Variants in KIAA1755 observed in about 807,000 individuals in gnomAD.
KIAA1755 encodes uncharacterized protein KIAA1755.
Under a neutral mutation model 91.7 loss-of-function variants are expected in KIAA1755, and 68 were observed. That is an observed-to-expected ratio of 0.74 (90% CI 0.61 to 0.91). The LOEUF (loss-of-function observed/expected upper bound fraction) is 0.91, where lower values mean the gene tolerates loss of function less well. KIAA1755 is among the 40% of genes least tolerant of loss of function. The probability of loss-of-function intolerance (pLI) is 0.00; values close to 1 mark genes in which losing one functional copy is unlikely to be tolerated. For missense variants in KIAA1755, 1,535 were observed against 1,494.4 expected (o/e 1.03, Z -0.45); for synonymous variants, 610 against 604.6 (o/e 1.01, Z -0.13).
In KIAA1755 at chr20:38,213,336, C is replaced by T. The variant is rs1053390503; in HGVS notation, c.3309G>A (p.Leu1103=). The change falls in exon 14 of 14, where the codon TTG becomes TTA. Residue 1103 remains leucine (L), a synonymous_variant. Transcript: ENST00000279024. ...PPLDSLGMDH[L]PKSYWPPGPP... ...GCCCAGGAGGCCAATAGGACTTTGG[C>T]AAATGGTCCATGCCCAGTGAGTCTA... 6.2e-7 allele frequency: 1 copy of T among 1,612,020 alleles called. No individual in the cohort carries two copies. The highest frequency in any genetic ancestry group is 8.5e-7 in the Non-Finnish European group (1 of 1,178,960).
At chr20:38,216,905 C>T (rs1438171070) in intron 13 of KIAA1755, 5 of 532,348 alleles carry the variant, frequency 9.4e-6, no homozygotes, top group Admixed American at 9.0e-5. Flanking sequence ...CATTTCTCTT[C>T]TCTTTGGGGA....
chr20:38,257,674 C>T (rs765871673), intron 1 of KIAA1755, among the ~76,000 whole-genome samples: 1 of 151,278 alleles, frequency 6.6e-6, no homozygotes, highest in Non-Finnish European at 1.5e-5. Flanking sequence ...GATGTGAAAT[C>T]ACAGCGAGAA....
intron 2 of KIAA1755, among the ~76,000 whole-genome samples, chr20:38,244,427 G>A (rs2076119456): frequency 1.3e-5 from 2 of 152,232 alleles, no homozygotes; most frequent in East Asian, 1.9e-4. Context: ...TAGCTGCCAC[G>A]TTCAATTTAT....
chr20:38,230,139 T>C (rs1038782317), intron 5 of KIAA1755, among the ~76,000 whole-genome samples: 2 of 152,116 alleles, frequency 1.3e-5, no homozygotes, highest in African/African-American at 4.8e-5. Flanking sequence ...AGAGGGCGCC[T>C]CTTCCCCAGC....
chr20:38,240,700 T>A lies in KIAA1755; in HGVS notation c.1431A>T (p.Arg477Ser), dbSNP rs1244928786. 6.4e-7 allele frequency: 1 copy of A among 1,565,318 alleles called. No homozygotes were observed. ...PTPGLKFSFL[R>S]GQRQPSVTPE... ...GGGTCACAGAGGGTTGCCTCTGCCC[T>A]CTCAAGAATGAGAATTTGAGCCCAG... Residue 477 changes from arginine (R) to serine (S), a missense_variant, in exon 3 of 14, where the codon AGA becomes AGT. Transcript: ENST00000279024.
At chr20:38,229,250 A>G (rs1438821720) in intron 5 of KIAA1755, among the ~76,000 whole-genome samples, 2 of 152,230 alleles carry the variant, frequency 1.3e-5, no homozygotes, top group Non-Finnish European at 2.9e-5. Flanking sequence ...TCCCTGAGTC[A>G]ATTTAATAAT....
Position 38,223,627 on chromosome 20 carries a change from G to C in KIAA1755, c.2179C>G (p.Pro727Ala), listed in dbSNP as rs201642163. The change falls in exon 9 of 14, where the codon CCT becomes GCT. Residue 727 changes from proline to alanine, a missense_variant. By Grantham distance (27) the Pro-to-Ala change is conservative (BLOSUM62 -1). Transcript: ENST00000279024. ...EWVHFFQKLD[P>A]FLADLHQASS... Reference sequence around the variant, plus strand: ...GCCTGGTGGAGGTCAGCAAGGAAAGGGTCCAGCTTCTGCAGGACAGAGGAC... The same window carrying C: ...GCCTGGTGGAGGTCAGCAAGGAAAGCGTCCAGCTTCTGCAGGACAGAGGAC... The C allele has an allele frequency of 3.1e-5, 49 of 1,605,284 alleles. No homozygotes were observed. The highest frequency in any genetic ancestry group is 1.7e-6 in the Non-Finnish European group (2 of 1,176,558).
chr20:38,217,220 G>C (rs368530369), intron 13 of KIAA1755, 33 bp downstream of exon 13: 13 of 1,548,194 alleles, frequency 8.4e-6, no homozygotes, highest in African/African-American at 1.3e-5. Flanking sequence ...AGGGGATCGG[G>C]GGGTATCTGT....
intron 6 of KIAA1755, 117 bp downstream of exon 6, chr20:38,228,030 A>G (rs1230250897): frequency 3.2e-6 from 2 of 617,668 alleles, no homozygotes; most frequent in Admixed American, 3.8e-5. Context: ...CTGCAGTAAA[A>G]GTCCCTGCCT....
intron 1 of KIAA1755, among the ~76,000 whole-genome samples, chr20:38,253,835 T>C: frequency 6.6e-6 from 1 of 152,226 alleles, no homozygotes; most frequent in African/African-American, 2.4e-5. Context: ...TTGTAAATGG[T>C]CTCACCAGAT....
Position 38,241,782 on chromosome 20 carries a change from C to A in KIAA1755, c.349G>T (p.Val117Phe). ...GAGAGGCATTTGATCATGATGCAGA[C>A]AGACTGCTCCTCCTGGGGCTCCACT... ...LQVEPQEEQS[V>F]CIMIKCLSLD... Residue 117 changes from valine to phenylalanine, a missense_variant, in exon 3 of 14, where the codon GTC (valine) becomes TTC (phenylalanine). By Grantham distance (50) the Val-to-Phe change is conservative. Transcript: ENST00000279024. 6.2e-7 allele frequency: 1 copy of A among 1,614,160 alleles called. No individual in the cohort carries two copies. Among genetic ancestry groups the A allele is most frequent in the Non-Finnish European group, 8.5e-7 (1 of 1,180,022 alleles).
intron 4 of KIAA1755, among the ~76,000 whole-genome samples, chr20:38,235,786 A>G (rs2075950193): frequency 1.3e-5 from 2 of 152,248 alleles, no homozygotes; most frequent in Non-Finnish European, 2.9e-5. Context: ...TATGGCCACA[A>G]TGGGAAACAC....
chr20:38,220,748 G>A (rs1458555759), intron 10 of KIAA1755, among the ~76,000 whole-genome samples: 2 of 152,212 alleles, frequency 1.3e-5, no homozygotes, highest in African/African-American at 4.8e-5. Flanking sequence ...TATTTCTATT[G>A]CAATGGTGGG....
intron 10 of KIAA1755, among the ~76,000 whole-genome samples, chr20:38,222,067 G>T (rs536108578): frequency 6.6e-6 from 1 of 152,350 alleles, no homozygotes; most frequent in South Asian, 2.1e-4. Context: ...TCAGCCAAAT[G>T]GACAATGTGG....
intron 13 of KIAA1755, among the ~76,000 whole-genome samples, chr20:38,215,022 GTTA>G (rs1177174630): frequency 2.0e-5 from 3 of 152,318 alleles, no homozygotes; most frequent in South Asian, 4.1e-4. Flanking sequence ...GCACCATTGT[GTTA>G]TTATTATTTA....
chr20:38,256,336 A>G (rs563885958), intron 1 of KIAA1755, among the ~76,000 whole-genome samples: 1 of 152,040 alleles, frequency 6.6e-6, no homozygotes, highest in East Asian at 1.9e-4. Context: ...TACCTTCCCT[A>G]CTTCTTCTAA....
At chr20:38,228,677 T>C (rs2075804097) in intron 5 of KIAA1755, among the ~76,000 whole-genome samples, 1 of 152,026 alleles carries the variant, frequency 6.6e-6, no homozygotes, top group Non-Finnish European at 1.5e-5. Flanking sequence ...CAGTGATTGG[T>C]TTAGATGGGG....
At chr20:38,238,656 T>TAA in intron 4 of KIAA1755, among the ~76,000 whole-genome samples, 1 of 152,346 alleles carries the variant, frequency 6.6e-6, no homozygotes, top group Admixed American at 6.5e-5. Context: ...TCTGTTGTGA[T>TAA]AACCTGTTGG....
intron 1 of KIAA1755, among the ~76,000 whole-genome samples, chr20:38,256,357 T>G (rs1052977839): frequency 6.6e-6 from 1 of 152,398 alleles, no homozygotes. Flanking sequence ...ACATACTTTA[T>G]GCTGTAGCCC....
Sources: allele counts gnomAD v4.1 joint callset (sites outside exome capture counted in the v4.1 genomes callset), GRCh38; gene constraint gnomAD v4.1.1; transcripts MANE v1.5; gene names NCBI Gene and HGNC (gene_info 2026-07-23, HGNC 2026-07-21).